The following TUSC3 variants were observed in gnomAD, a reference collection of about 807,000 sequenced individuals.
TUSC3 encodes the protein tumor suppressor candidate 3.
In TUSC3, 45 loss-of-function variants were observed where a neutral mutation model predicts 44.8. The ratio of observed to expected loss-of-function variants is 1.00; its 90% CI spans 0.79 to 1.29. TUSC3 has a LOEUF of 1.29. Ranked by LOEUF, TUSC3 falls within the 50% of genes most tolerant of loss-of-function variation. TUSC3 has a pLI of 0.00. For synonymous variants in TUSC3, 212 were observed against 152.9 expected (o/e 1.39, Z -2.85); for missense variants, 519 against 437.9 (o/e 1.19, Z -1.65).
chr8:15,804,719 T>G, the TUSC3 span, among the ~76,000 whole-genome samples: 2 of 152,180 alleles, frequency 1.3e-5, no homozygotes, highest in Non-Finnish European at 1.5e-5. Context: ...GTTTTGATTA[T>G]TATCACCTCA....
rs534808306 is a variant in TUSC3, at chr8:15,597,084, T to A, written c.139-25996T>A. Among the ~76,000 whole-genome samples, 9 of 152,096 alleles carry A rather than the reference T, an allele frequency of 5.9e-5. No homozygotes were observed. The South Asian group carries it at 1.9e-3, about 32-fold the overall frequency. ...GAGAATGTCAGCAGGGGTGGTACAGTAGGAAGAGGTCAGAGATACAGTGAT... is the reference window on the plus strand; with the variant it reads ...GAGAATGTCAGCAGGGGTGGTACAGAAGGAAGAGGTCAGAGATACAGTGAT... On this transcript the variant is annotated intron_variant, in intron 1 of 10. Transcript: ENST00000503731.
At chr8:15,509,998 C>T (rs1050486143) in intron 2 of TUSC3, among the ~76,000 whole-genome samples, 2 of 152,000 alleles carry the variant, frequency 1.3e-5, no homozygotes, top group Non-Finnish European at 2.9e-5. Flanking sequence ...AGCAAGACCT[C>T]ATCTCTACAA....
chr8:15,521,949 T>C (rs577342408), intron 2 of TUSC3, among the ~76,000 whole-genome samples: 35 of 152,344 alleles, frequency 2.3e-4, no homozygotes, highest in African/African-American at 8.4e-4. Context: ...CCACAATTAC[T>C]TTTGCAGCAA....
Position 15,454,337 on chromosome 8 carries a change from G to A in TUSC3, n.92-29049G>A, listed in dbSNP as rs377446532. On this transcript the variant is annotated intron_variant and non_coding_transcript_variant, in intron 1 of 5. Coordinates refer to the TUSC3 transcript ENST00000503191. The stretch of plus-strand genomic sequence containing the variant: ...AAAACCTGCCCTGCTTCAGCCTTAT[G>A]CCCCTCAGTTGAATTCTTTCCTTTG... 3.4e-4 allele frequency among the ~76,000 whole-genome samples: 51 copies of A among 152,224 alleles called. No individual in the cohort carries two copies. The South Asian group carries it at 6.4e-3, about 19-fold the overall frequency.
intron 2 of TUSC3, among the ~76,000 whole-genome samples, chr8:15,528,314 A>G (rs13254596): frequency 0.34 from 51,694 of 152,086 alleles, 10,881 homozygotes; most frequent in Non-Finnish European, 0.46. Context: ...TGATGAGTTC[A>G]GGAAATGAAT....
intron 1 of TUSC3, among the ~76,000 whole-genome samples, chr8:15,442,550 A>G (rs929091183): frequency 1.3e-5 from 2 of 152,176 alleles, no homozygotes; most frequent in African/African-American, 2.4e-5. Context: ...ACATAAAAAC[A>G]TGGTACAGGA....
chr8:15,554,627 G>C lies in TUSC3; in HGVS notation c.138+14059G>C, dbSNP rs1178482070. Reference sequence around the variant, plus strand: ...TTTTTTTTTTTTTTTTTTTGAGATGGAGTCTCACTCTGTCGCCCAGGCTGG... The same window carrying C: ...TTTTTTTTTTTTTTTTTTTGAGATGCAGTCTCACTCTGTCGCCCAGGCTGG... On this transcript the variant is annotated intron_variant, in intron 1 of 10. Transcript: ENST00000503731. Among the ~76,000 whole-genome samples the C allele has an allele frequency of 2.7e-4, 34 of 125,976 alleles. 2 individuals are homozygous for C. Among genetic ancestry groups the C allele is most frequent in the Non-Finnish European group, 4.7e-4 (29 of 61,106 alleles). The allele number at this position is 125,976 out of a possible 152,430, so 82.6% of individuals were successfully genotyped here. A position where few individuals can be genotyped will look rare whatever the true frequency, so the allele number is the denominator to read the frequency against.
chr8:15,656,316 C>T (rs1408646464), intron 3 of TUSC3, among the ~76,000 whole-genome samples: 1 of 152,072 alleles, frequency 6.6e-6, no homozygotes, highest in African/African-American at 2.4e-5. Flanking sequence ...CATGATTCAT[C>T]CTGAGGCAAA....
the TUSC3 span, among the ~76,000 whole-genome samples, chr8:15,833,365 C>A: frequency 6.6e-6 from 1 of 152,122 alleles, no homozygotes; most frequent in Non-Finnish European, 1.5e-5. Flanking sequence ...TGGGTATATA[C>A]CAAAAGGAAT....
intron 6 of TUSC3, among the ~76,000 whole-genome samples, chr8:15,707,694 T>C (rs1809674847): frequency 6.6e-6 from 1 of 152,004 alleles, no homozygotes; most frequent in South Asian, 2.1e-4. Flanking sequence ...AAAGCTCAGA[T>C]GTTTACATTG....
chr8:15,663,752 T>C (rs1807530296), intron 5 of TUSC3, among the ~76,000 whole-genome samples: 1 of 151,970 alleles, frequency 6.6e-6, no homozygotes, highest in Non-Finnish European at 1.5e-5. Flanking sequence ...ACACTATGGA[T>C]GATCTTAATT....
intron 2 of TUSC3, among the ~76,000 whole-genome samples, chr8:15,638,417 A>C (rs1806191693): frequency 1.3e-5 from 2 of 151,916 alleles, no homozygotes; most frequent in Non-Finnish European, 2.9e-5. Flanking sequence ...ACAGGAACTC[A>C]GTAATTGTCG....
chr8:15,794,111 T>C, the TUSC3 span, among the ~76,000 whole-genome samples: 1 of 152,182 alleles, frequency 6.6e-6, no homozygotes, highest in African/African-American at 2.4e-5. Flanking sequence ...GCAGCACTTC[T>C]AAAACACAAT....
downstream of TUSC3, among the ~76,000 whole-genome samples, chr8:15,770,089 A>G (rs990202394): frequency 7.2e-5 from 11 of 152,068 alleles, no homozygotes; most frequent in African/African-American, 1.9e-4. Flanking sequence ...TTATAAATCA[A>G]TCTACTTTAG....
the TUSC3 span, among the ~76,000 whole-genome samples, chr8:15,792,983 G>A: frequency 2.0e-5 from 3 of 151,888 alleles, no homozygotes; most frequent in South Asian, 6.2e-4. Flanking sequence ...CCTACCTCCT[G>A]TTTCTCTGGG....
chr8:15,562,935 C>A (rs1234787292), intron 1 of TUSC3, among the ~76,000 whole-genome samples: 1 of 152,002 alleles, frequency 6.6e-6, no homozygotes, highest in Non-Finnish European at 1.5e-5. Flanking sequence ...AAATATTTGC[C>A]ATATAAGGTA....
At chr8:15,630,236 T>C (rs1030502726) in intron 2 of TUSC3, among the ~76,000 whole-genome samples, 1 of 152,176 alleles carries the variant, frequency 6.6e-6, no homozygotes, top group Non-Finnish European at 1.5e-5. Flanking sequence ...AGGTTGCCTG[T>C]ATAACCAAAG....
At chr8:15,621,409 ACTGTT>A (rs1158301904) in intron 1 of TUSC3, among the ~76,000 whole-genome samples, 1 of 150,654 alleles carries the variant, frequency 6.6e-6, no homozygotes, top group Non-Finnish European at 1.5e-5. Context: ...GTCACTTTCT[ACTGTT>A]CTGGGTATAT....
At chr8:15,733,055 A>G (rs867587865) in intron 7 of TUSC3, among the ~76,000 whole-genome samples, 4 of 152,194 alleles carry the variant, frequency 2.6e-5, no homozygotes, top group Middle Eastern at 3.4e-3. Flanking sequence ...ATTTTGTTGT[A>G]TTTTTCAACA....
Sources: allele counts gnomAD v4.1 joint callset (sites outside exome capture counted in the v4.1 genomes callset), GRCh38; gene constraint gnomAD v4.1.1; transcripts MANE v1.5; gene names NCBI Gene and HGNC (gene_info 2026-07-23, HGNC 2026-07-21).